The following KLHL14 variants were observed in gnomAD, a reference collection of about 807,000 sequenced individuals.
The protein encoded by KLHL14 is kelch like family member 14.
Under a neutral mutation model 64.3 loss-of-function variants are expected in KLHL14, and 22 were observed. That is an observed-to-expected ratio of 0.34 (90% CI 0.24 to 0.49). The LOEUF is 0.49. Ranked by LOEUF, KLHL14 falls within the 20% of genes least tolerant of loss-of-function variation. The probability of loss-of-function intolerance (pLI) is 0.99; values close to 1 mark genes in which losing one functional copy is unlikely to be tolerated. For synonymous variants in KLHL14, 322 were observed against 333.4 expected (o/e 0.97, Z 0.37); for missense variants, 661 against 789.0 (o/e 0.84, Z 1.94).
chr18:32,707,490 T>C (rs145963664), intron 3 of KLHL14, among the ~76,000 whole-genome samples: 1 of 152,238 alleles, frequency 6.6e-6, no homozygotes, highest in African/African-American at 2.4e-5. Flanking sequence ...TCAGGAGCAT[T>C]CCCACTACCT....
Position 32,765,455 on chromosome 18 carries a change from A to G in KLHL14, c.947+4190T>C, listed in dbSNP as rs558350738. On this transcript the variant is annotated intron_variant, in intron 2 of 8. Transcript: ENST00000359358. ...TGTAGGATGTAACTATTTGACTCCC[A>G]TATCGGTTGATGTAATTTTGTAATC... 1.2e-4 allele frequency among the ~76,000 whole-genome samples: 18 copies of G among 152,340 alleles called. No homozygotes were observed. In the East Asian group the frequency reaches 3.5e-3, roughly 29 times the overall value.
At chr18:32,730,935 A>AC (rs1334700923) in intron 3 of KLHL14, among the ~76,000 whole-genome samples, 1 of 152,198 alleles carries the variant, frequency 6.6e-6, no homozygotes, top group African/African-American at 2.4e-5. Flanking sequence ...TGCCTTGACA[A>AC]CCAGACACAG....
chr18:32,672,718 C>T lies in KLHL14; in HGVS notation c.*1939G>A, dbSNP rs1200084575. 2 of 152,614 alleles carry T rather than the reference C, an allele frequency of 1.3e-5. No homozygotes were observed. The highest frequency in any genetic ancestry group is 3.8e-4 in the East Asian group (2 of 5,200). 9.5% of individuals were successfully genotyped at this position (152,614 alleles called of 1,614,324 possible). Reference sequence around the variant, plus strand: ...TTAAAGTTTTCCCCTTCCAAGCAAGCTTCATTTACACATTCTAATACTGTA... The same window carrying T: ...TTAAAGTTTTCCCCTTCCAAGCAAGTTTCATTTACACATTCTAATACTGTA... On this transcript the variant is annotated 3_prime_UTR_variant, in exon 9 of 9. Coordinates refer to ENST00000359358, the MANE Select transcript of KLHL14 (RefSeq NM_020805.3).
At chr18:32,721,543 T>G (rs564436024) in intron 3 of KLHL14, among the ~76,000 whole-genome samples, 79 of 152,348 alleles carry the variant, frequency 5.2e-4, no homozygotes, top group African/African-American at 1.8e-3. Context: ...TCAGGCTTTA[T>G]CCATATGAAA....
chr18:32,717,450 T>C (rs1201753930), intron 3 of KLHL14, among the ~76,000 whole-genome samples: 4 of 152,176 alleles, frequency 2.6e-5, no homozygotes, highest in African/African-American at 9.6e-5. Flanking sequence ...TCCCAGCTGC[T>C]CTTTCTTCAT....
chr18:32,756,931 C>A (rs2050285182), intron 2 of KLHL14, among the ~76,000 whole-genome samples: 1 of 152,178 alleles, frequency 6.6e-6, no homozygotes, highest in Non-Finnish European at 1.5e-5. Flanking sequence ...AAAATGCATT[C>A]TACAACCTGT....
intron 3 of KLHL14, among the ~76,000 whole-genome samples, chr18:32,705,647 T>G (rs2049986474): frequency 6.6e-6 from 1 of 151,984 alleles, no homozygotes; most frequent in Non-Finnish European, 1.5e-5. Flanking sequence ...CACTTGAACC[T>G]GTGAGGTGGA....
chr18:32,711,012 G>A (rs1020090110), intron 3 of KLHL14, among the ~76,000 whole-genome samples: 5 of 152,136 alleles, frequency 3.3e-5, no homozygotes, highest in African/African-American at 4.8e-5. Flanking sequence ...GTTTAAGAAG[G>A]GGAGTAAAGC....
intron 2 of KLHL14, among the ~76,000 whole-genome samples, chr18:32,754,604 A>G (rs1428322036): frequency 6.6e-6 from 1 of 152,200 alleles, no homozygotes; most frequent in Non-Finnish European, 1.5e-5. Context: ...CTCCCGATCC[A>G]AAGTCCAATT....
intron 2 of KLHL14, among the ~76,000 whole-genome samples, chr18:32,751,554 G>A (rs1405166115): frequency 6.6e-6 from 1 of 152,124 alleles, no homozygotes; most frequent in Non-Finnish European, 1.5e-5. Context: ...TGGCTCTCAG[G>A]TGTGGCTGAA....
intron 2 of KLHL14, among the ~76,000 whole-genome samples, chr18:32,768,725 T>C (rs2050360526): frequency 6.6e-6 from 1 of 152,188 alleles, no homozygotes; most frequent in Non-Finnish European, 1.5e-5. Context: ...AGCCTTTTTA[T>C]CTCAGCAGCA....
intron 3 of KLHL14, among the ~76,000 whole-genome samples, chr18:32,717,402 C>T (rs545428116): frequency 2.6e-4 from 40 of 152,230 alleles, no homozygotes; most frequent in Admixed American, 4.6e-4. Context: ...ATGATTCGTA[C>T]GAAATGCCTC....
At chr18:32,734,923 C>A (rs1214179353) in intron 3 of KLHL14, among the ~76,000 whole-genome samples, 1 of 152,132 alleles carries the variant, frequency 6.6e-6, no homozygotes, top group Non-Finnish European at 1.5e-5. Context: ...CACACATGCT[C>A]TTTGATGCTA....
chr18:32,677,379 C>A (rs769971578), intron 7 of KLHL14, 49 bp from the exon 8 acceptor site: 1 of 1,526,526 alleles, frequency 6.6e-7, no homozygotes, highest in Non-Finnish European at 8.9e-7. Flanking sequence ...TGCTCAGGGT[C>A]CCAATTTAAG....
intron 2 of KLHL14, among the ~76,000 whole-genome samples, chr18:32,762,828 A>G (rs1019854182): frequency 1.3e-5 from 2 of 152,200 alleles, no homozygotes; most frequent in Non-Finnish European, 2.9e-5. Flanking sequence ...TTCTAAGTGA[A>G]TGAGAGAAGA....
At chr18:32,728,334 G>A (rs1299644640) in intron 3 of KLHL14, among the ~76,000 whole-genome samples, 1 of 152,166 alleles carries the variant, frequency 6.6e-6, no homozygotes, top group African/African-American at 2.4e-5. Flanking sequence ...GTGTGACCTT[G>A]AGCAAATTAC....
chr18:32,674,496 A>C lies in KLHL14; in HGVS notation c.*161T>G, dbSNP rs1213100795. Reference sequence around the variant, plus strand: ...GAGTTATAGACATAGTATCTGTTCAAGAACAGGTCTCTTTCTTTTGTAGTT... The same window carrying C: ...GAGTTATAGACATAGTATCTGTTCACGAACAGGTCTCTTTCTTTTGTAGTT... On this transcript the variant is annotated 3_prime_UTR_variant, in exon 9 of 9. Transcript: ENST00000359358. The C allele has an allele frequency of 1.5e-5, 9 of 619,558 alleles. No homozygotes were observed. Among genetic ancestry groups the C allele is most frequent in the Non-Finnish European group, 2.6e-5 (9 of 342,710 alleles). 38.4% of individuals were successfully genotyped at this position (619,558 alleles called of 1,614,324 possible). A position where few individuals can be genotyped will look rare whatever the true frequency, so the allele number is the denominator to read the frequency against.
At chr18:32,676,946 A>G (rs1189059323) in intron 8 of KLHL14, among the ~76,000 whole-genome samples, 1 of 152,172 alleles carries the variant, frequency 6.6e-6, no homozygotes, top group Non-Finnish European at 1.5e-5. Flanking sequence ...TCATAGAGAC[A>G]GGAGAGAAGG....
intron 3 of KLHL14, among the ~76,000 whole-genome samples, chr18:32,706,003 G>A (rs1311105380): frequency 6.6e-6 from 1 of 152,200 alleles, no homozygotes; most frequent in Non-Finnish European, 1.5e-5. Flanking sequence ...TATCAGAACT[G>A]TGAGCAATAA....
Sources: gnomAD v4.1 joint callset for allele counts (sites outside exome capture counted in the v4.1 genomes callset) on GRCh38, gnomAD v4.1.1 for gene constraint, MANE v1.5 for transcripts, NCBI Gene and HGNC (gene_info 2026-07-23, HGNC 2026-07-21) for gene names.